Variants in PTPRD observed in about 807,000 individuals in gnomAD.
PTPRD encodes the protein protein tyrosine phosphatase receptor type D.
Under a neutral mutation model 214.5 loss-of-function variants are expected in PTPRD, and 34 were observed. The ratio of observed to expected loss-of-function variants is 0.16; its 90% CI spans 0.12 to 0.21. The LOEUF (loss-of-function observed/expected upper bound fraction) is 0.21. Ranked by LOEUF, PTPRD falls within the 10% of genes least tolerant of loss-of-function variation. The pLI is 1.00. For missense variants in PTPRD, 2,545 were observed against 2,398.7 expected, an observed-to-expected ratio of 1.06 and a Z score of -1.27; for synonymous variants, 1,128 against 845.7, an observed-to-expected ratio of 1.33 and a Z score of -5.79.
intron 11 of PTPRD, among the ~76,000 whole-genome samples, chr9:8,992,271 A>T (rs2099375240): frequency 6.6e-6 from 1 of 152,170 alleles, no homozygotes; most frequent in Admixed American, 6.5e-5. Context: ...CTTTCTAAGG[A>T]AAGACTTTTT....
intron 9 of PTPRD, among the ~76,000 whole-genome samples, chr9:9,255,123 T>C (rs542705725): frequency 2.0e-4 from 30 of 152,212 alleles, no homozygotes; most frequent in African/African-American, 7.0e-4. Flanking sequence ...GGCTTTGCTG[T>C]GTGCAAACAG....
chr9:9,881,245 C>T (rs945500250), intron 5 of PTPRD, among the ~76,000 whole-genome samples: 3 of 152,116 alleles, frequency 2.0e-5, no homozygotes, highest in Non-Finnish European at 4.4e-5. Context: ...TACTTTGGGA[C>T]ATTCAATCAT....
intron 2 of PTPRD, among the ~76,000 whole-genome samples, chr9:10,602,281 T>A (rs2078176952): frequency 6.6e-6 from 1 of 151,868 alleles, no homozygotes; most frequent in Middle Eastern, 3.2e-3. Context: ...CACATAACAT[T>A]TCTGATAATT....
intron 9 of PTPRD, among the ~76,000 whole-genome samples, chr9:9,325,035 T>C (rs889568965): frequency 2.6e-5 from 4 of 152,344 alleles, no homozygotes; most frequent in East Asian, 1.9e-4. Context: ...CCCTCTGTTC[T>C]GTTCCATTGA....
At chr9:8,771,180 C>A (rs374063699) in intron 11 of PTPRD, among the ~76,000 whole-genome samples, 114 of 141,070 alleles carry the variant, frequency 8.1e-4, no homozygotes, top group African/African-American at 1.3e-3. Context: ...GATTCCGTCT[C>A]AAAAAAAAAA....
chr9:9,054,142 GTA>G (rs2099691919), intron 10 of PTPRD, among the ~76,000 whole-genome samples: 1 of 152,128 alleles, frequency 6.6e-6, no homozygotes, highest in Admixed American at 6.6e-5. Flanking sequence ...ATCATTGCAT[GTA>G]ATCCTCACAA....
At chr9:10,351,871 G>A (rs1047792100) in intron 2 of PTPRD, among the ~76,000 whole-genome samples, 1 of 151,988 alleles carries the variant, frequency 6.6e-6, no homozygotes, top group African/African-American at 2.4e-5. Context: ...GAAAGGGGAT[G>A]GGTCACAAAT....
intron 2 of PTPRD, among the ~76,000 whole-genome samples, chr9:10,580,879 A>G (rs2071481610): frequency 6.6e-6 from 1 of 152,182 alleles, no homozygotes; most frequent in Non-Finnish European, 1.5e-5. Flanking sequence ...AAATCTTAAT[A>G]TATCATAGAC....
chr9:8,916,974 C>T (rs1048573481), intron 11 of PTPRD, among the ~76,000 whole-genome samples: 6 of 151,840 alleles, frequency 4.0e-5, no homozygotes, highest in African/African-American at 1.2e-4. Flanking sequence ...TGCATATAAT[C>T]GTGTTCTCTT....
At chr9:8,792,607 G>C (rs908298923) in intron 11 of PTPRD, among the ~76,000 whole-genome samples, 2 of 152,136 alleles carry the variant, frequency 1.3e-5, no homozygotes, top group African/African-American at 4.8e-5. Context: ...GCTGAGAAGA[G>C]GGGCTTGTCA....
At chr9:9,121,571 A>G (rs2099817656) in intron 10 of PTPRD, among the ~76,000 whole-genome samples, 1 of 152,180 alleles carries the variant, frequency 6.6e-6, no homozygotes, top group Non-Finnish European at 1.5e-5. Context: ...TAACTCAAGA[A>G]TGGAAAACCA....
intron 2 of PTPRD, among the ~76,000 whole-genome samples, chr9:10,439,440 A>C (rs1212157607): frequency 6.6e-6 from 1 of 151,816 alleles, no homozygotes; most frequent in Non-Finnish European, 1.5e-5. Context: ...TAGAATGAAA[A>C]AGGAAGATAA....
At chr9:8,377,606 C>CT (rs1033666729) in intron 37 of PTPRD, among the ~76,000 whole-genome samples, 11 of 151,682 alleles carry the variant, frequency 7.3e-5, no homozygotes, top group Admixed American at 6.6e-5. Context: ...CTATCTCAGA[C>CT]TTTTTTTTAA....
chr9:8,873,137 G>A (rs1566759544), intron 11 of PTPRD, among the ~76,000 whole-genome samples: 1 of 152,164 alleles, frequency 6.6e-6, no homozygotes, highest in Non-Finnish European at 1.5e-5. Flanking sequence ...CCACTGAGCT[G>A]TCGGCTCCTG....
intron 14 of PTPRD, among the ~76,000 whole-genome samples, chr9:8,544,467 C>CT (rs34002040): frequency 0.018 from 2,145 of 116,196 alleles, 36 homozygotes; most frequent in Middle Eastern, 0.021. Context: ...AAAAAAATAA[C>CT]TTTTTTTTTT....
Position 9,009,572 on chromosome 9 carries a change from A to G in PTPRD, c.-104+9125T>C, listed in dbSNP as rs549335057. Among the ~76,000 whole-genome samples, 28 of 152,094 alleles carry G rather than the reference A, an allele frequency of 1.8e-4. 1 individual carries two copies. Among genetic ancestry groups the G allele is most frequent in the African/African-American group, 6.8e-4 (28 of 41,406 alleles). ...GAAGATAAGAAGCAAGTTGGTATGG[A>G]GAAAAAAAAATTAGAACTGTAAAAA... On this transcript the variant is annotated intron_variant, in intron 11 of 45. Transcript: ENST00000381196.
Position 8,530,372 on chromosome 9 carries a change from T to A in PTPRD, c.353-1593A>T, listed in dbSNP as rs1207699151. On this transcript the variant is annotated intron_variant, in intron 14 of 45. Transcript: ENST00000381196. Reference sequence around the variant, plus strand: ...AAATTCTCACCACTTCCCAGACAAATCATGTTTGCTGGGTACTCCGTGCTT... The same window carrying A: ...AAATTCTCACCACTTCCCAGACAAAACATGTTTGCTGGGTACTCCGTGCTT... Among the ~76,000 whole-genome samples, 4 of 152,202 alleles carry A rather than the reference T, an allele frequency of 2.6e-5. No homozygotes were observed. The East Asian group carries it at 7.7e-4, about 29-fold the overall frequency.
intron 14 of PTPRD, among the ~76,000 whole-genome samples, chr9:8,629,271 TA>T (rs1320548253): frequency 6.6e-6 from 1 of 151,842 alleles, no homozygotes; most frequent in East Asian, 1.9e-4. Context: ...AAGAAGCAAG[TA>T]CCCTTGGACT....
intron 3 of PTPRD, among the ~76,000 whole-genome samples, chr9:10,294,727 T>C (rs2095626060): frequency 6.6e-6 from 1 of 151,994 alleles, no homozygotes; most frequent in Non-Finnish European, 1.5e-5. Flanking sequence ...GTAGCTAGAA[T>C]GTATCAGAAA....
Sources: gnomAD v4.1 joint callset for allele counts (sites outside exome capture counted in the v4.1 genomes callset) on GRCh38, gnomAD v4.1.1 for gene constraint, MANE v1.5 for transcripts, NCBI Gene and HGNC (gene_info 2026-07-23, HGNC 2026-07-21) for gene names.